The following ATP8A2 variants were observed in gnomAD, a reference collection of about 807,000 sequenced individuals.
The protein encoded by ATP8A2 is phospholipid-transporting ATPase IB.
In ATP8A2, 100 loss-of-function variants were observed where a neutral mutation model predicts 165.6. The ratio of observed to expected loss-of-function variants is 0.60; its 90% CI spans 0.51 to 0.71. The LOEUF (loss-of-function observed/expected upper bound fraction) is 0.71. Among genes scored for constraint, ATP8A2 ranks in the 30% least tolerant of loss-of-function variants. The probability of loss-of-function intolerance (pLI) is 0.00; values close to 1 mark genes in which losing one functional copy is unlikely to be tolerated. For missense variants in ATP8A2, 1,227 were observed against 1,479.5 expected, an observed-to-expected ratio of 0.83 and a Z score of 2.80; for synonymous variants, 543 against 548.8, an observed-to-expected ratio of 0.99 and a Z score of 0.15.
intron 24 of ATP8A2, among the ~76,000 whole-genome samples, chr13:25,642,488 A>G (rs1335045729): frequency 6.6e-6 from 1 of 152,248 alleles, no homozygotes; most frequent in Non-Finnish European, 1.5e-5. Flanking sequence ...CAACAGACAC[A>G]TAAAAAATGC....
intron 24 of ATP8A2, among the ~76,000 whole-genome samples, chr13:25,682,161 A>G (rs1409721856): frequency 1.3e-5 from 2 of 152,202 alleles, no homozygotes; most frequent in Non-Finnish European, 2.9e-5. Flanking sequence ...TCTTTTTTGT[A>G]GTAAGAAGTG....
At chr13:25,399,003 A>G (rs192687276) in intron 1 of ATP8A2, among the ~76,000 whole-genome samples, 160 of 152,306 alleles carry the variant, frequency 1.1e-3, no homozygotes, top group African/African-American at 3.7e-3. Context: ...CTTTTCCTCT[A>G]CTTGAAAATT....
chr13:25,585,582 G>C (rs990096698), intron 23 of ATP8A2, among the ~76,000 whole-genome samples: 3 of 152,086 alleles, frequency 2.0e-5, no homozygotes, highest in Admixed American at 6.5e-5. Flanking sequence ...TGGTCTTAGA[G>C]GTTTATTTTT....
At chr13:25,572,387 C>A (rs2039492961) in intron 18 of ATP8A2, among the ~76,000 whole-genome samples, 1 of 152,228 alleles carries the variant, frequency 6.6e-6, no homozygotes. Context: ...GGTCCACCCG[C>A]CTTGGCCTCC....
chr13:25,507,656 A>T (rs1244051152), intron 2 of ATP8A2, among the ~76,000 whole-genome samples: 3 of 152,180 alleles, frequency 2.0e-5, no homozygotes, highest in Non-Finnish European at 4.4e-5. Flanking sequence ...ATAAATTCTG[A>T]TTGCAGAAAT....
chr13:25,777,769 A>T (rs889015259), intron 27 of ATP8A2, among the ~76,000 whole-genome samples: 3 of 152,230 alleles, frequency 2.0e-5, no homozygotes, highest in African/African-American at 7.2e-5. Flanking sequence ...GAAGAACTGT[A>T]AGCCTGTGAT....
rs116599075 is a variant in ATP8A2 at position 25,940,436 on chromosome 13, C to T, written c.3184-21139C>T. Among the ~76,000 whole-genome samples, 936 of 152,300 alleles carry T rather than the reference C, an allele frequency of 6.1e-3. 14 individuals carry two copies. Among genetic ancestry groups the T allele is most frequent in the African/African-American group, 0.021 (869 of 41,570 alleles). On this transcript the variant is annotated intron_variant, in intron 33 of 36. Transcript: ENST00000381655. Reference sequence around the variant, plus strand: ...CTCTTGAGGTTTTACATTTCAAGACCTTCTCCCTCCTGCCCGCTTCCTGCT... The same window carrying T: ...CTCTTGAGGTTTTACATTTCAAGACTTTCTCCCTCCTGCCCGCTTCCTGCT...
chr13:25,550,107 C>G (rs774807346), intron 10 of ATP8A2, among the ~76,000 whole-genome samples: 14 of 152,228 alleles, frequency 9.2e-5, no homozygotes, highest in Non-Finnish European at 2.1e-4. Context: ...GAGTTCGACA[C>G]CAGCCTGGCC....
chr13:25,408,100 T>A (rs1593266638), intron 1 of ATP8A2, among the ~76,000 whole-genome samples: 2 of 150,612 alleles, frequency 1.3e-5, no homozygotes, highest in African/African-American at 2.4e-5. Context: ...TATTTGACAT[T>A]AAAAAAAAAT....
At chr13:25,726,293 T>C (rs1309677484) in intron 25 of ATP8A2, among the ~76,000 whole-genome samples, 1 of 152,156 alleles carries the variant, frequency 6.6e-6, no homozygotes, top group Non-Finnish European at 1.5e-5. Flanking sequence ...TCCCTGTAAC[T>C]AAAGGCGCAA....
At chr13:25,755,145 T>G (rs2044234153) in intron 25 of ATP8A2, among the ~76,000 whole-genome samples, 4 of 152,212 alleles carry the variant, frequency 2.6e-5, no homozygotes, top group Admixed American at 2.6e-4. Flanking sequence ...AATTTATTCT[T>G]GTGAACAGCT....
chr13:25,998,159 A>C (rs1049991192), intron 35 of ATP8A2, among the ~76,000 whole-genome samples: 6 of 152,196 alleles, frequency 3.9e-5, no homozygotes, highest in Non-Finnish European at 8.8e-5. Context: ...CTGATTCTCC[A>C]TAAGACCTTT....
rs549482637 is a variant in ATP8A2 at position 25,785,081 on chromosome 13, T to G, written c.2679+10122T>G. Among the ~76,000 whole-genome samples the G allele has an allele frequency of 5.3e-4, 80 of 151,976 alleles. 1 individual carries two copies. The Middle Eastern group carries it at 0.024, about 45-fold the overall frequency. On this transcript the variant is annotated intron_variant, in intron 27 of 36. Transcript: ENST00000381655. Reference sequence around the variant, plus strand: ...GGCCTACATTTCTATTATATTGTGTTTAACCCTATCTTTTGAAAGAATAAA... The same window carrying G: ...GGCCTACATTTCTATTATATTGTGTGTAACCCTATCTTTTGAAAGAATAAA...
chr13:25,501,164 C>T (rs145082105), intron 2 of ATP8A2, among the ~76,000 whole-genome samples: 241 of 152,182 alleles, frequency 1.6e-3, no homozygotes, highest in African/African-American at 5.4e-3. Context: ...TCGTTTTAAT[C>T]GAGTATGGTA....
At chr13:25,623,650 T>C (rs2041028756) in intron 24 of ATP8A2, among the ~76,000 whole-genome samples, 1 of 152,180 alleles carries the variant, frequency 6.6e-6, no homozygotes, top group South Asian at 2.1e-4. Context: ...ATCTCTGCCT[T>C]TGCTCTGGAT....
chr13:25,800,141 C>T (rs1267315297), intron 27 of ATP8A2, among the ~76,000 whole-genome samples: 3 of 152,228 alleles, frequency 2.0e-5, no homozygotes, highest in Non-Finnish European at 4.4e-5. Context: ...GAAGCCAAGG[C>T]ACCCAGAGGT....
At chr13:25,783,912 C>G (rs2138367811) in intron 27 of ATP8A2, among the ~76,000 whole-genome samples, 1 of 152,232 alleles carries the variant, frequency 6.6e-6, no homozygotes, top group South Asian at 2.1e-4. Flanking sequence ...CAGCTGGTTG[C>G]TGCTGGTTGA....
intron 26 of ATP8A2, among the ~76,000 whole-genome samples, chr13:25,769,584 A>G (rs1297085166): frequency 2.6e-5 from 4 of 152,208 alleles, no homozygotes; most frequent in Non-Finnish European, 5.9e-5. Context: ...TGCCTGCTGA[A>G]GCACAGCTGT....
chr13:26,016,185 G>A (rs1323198317), intron 36 of ATP8A2, among the ~76,000 whole-genome samples: 3 of 152,202 alleles, frequency 2.0e-5, no homozygotes, highest in Non-Finnish European at 4.4e-5. Flanking sequence ...TTTCATTCTC[G>A]GTTAAGGTTA....
Sources: gnomAD v4.1 joint callset for allele counts (sites outside exome capture counted in the v4.1 genomes callset) on GRCh38, gnomAD v4.1.1 for gene constraint, MANE v1.5 for transcripts, NCBI Gene and HGNC (gene_info 2026-07-23, HGNC 2026-07-21) for gene names.